Variants in ARHGAP31 observed in about 807,000 individuals in gnomAD.
The protein encoded by ARHGAP31 is rho GTPase-activating protein 31.
In ARHGAP31, 34 loss-of-function variants were observed where a neutral mutation model predicts 113.9. The observed-to-expected ratio is 0.30, with a 90% CI of 0.23 to 0.40. The LOEUF (loss-of-function observed/expected upper bound fraction) is 0.40, where lower values mean the gene tolerates loss of function less well. Ranked by LOEUF, ARHGAP31 falls within the 10% of genes least tolerant of loss-of-function variation. The probability of loss-of-function intolerance (pLI) is 1.00; values close to 1 mark genes in which losing one functional copy is unlikely to be tolerated. For synonymous variants in ARHGAP31, 650 were observed against 684.8 expected (o/e 0.95, Z 0.79); for missense variants, 1,548 against 1,767.1 (o/e 0.88, Z 2.22).
Position 119,414,703 on chromosome 3 carries a change from A to T in ARHGAP31, c.2774A>T (p.Asp925Val). 2 of 1,614,164 alleles carry T rather than the reference A, an allele frequency of 1.2e-6. No homozygotes were observed. Among genetic ancestry groups the T allele is most frequent in the Non-Finnish European group, 1.7e-6 (2 of 1,180,034 alleles). Residue 925 changes from aspartate to valine, a missense_variant, in exon 12 of 12, where the codon GAC becomes GTC. By Grantham distance (152) the Asp-to-Val change is radical. Transcript: ENST00000264245. ...CCCCTTCACTCTCCCACCCTGAAAGACGCGCACAAGGCCCAGGTACAGGGC... is the reference window on the plus strand; with the variant it reads ...CCCCTTCACTCTCCCACCCTGAAAGTCGCGCACAAGGCCCAGGTACAGGGC... The part of the protein sequence containing the change: ...TSPLHSPTLK[D>V]AHKAQVQGLQ...
chr3:119,298,417 C>T (rs116713738), intron 1 of ARHGAP31, among the ~76,000 whole-genome samples: 2,155 of 152,288 alleles, frequency 0.014, 18 homozygotes, highest in African/African-American at 0.03. Context: ...TGAAGCTCTG[C>T]GAGGTCATAA....
In ARHGAP31 at chr3:119,417,142, T is replaced by C. The variant is rs2080785748; in HGVS notation, c.*878T>C. 1 of 152,242 alleles carries C rather than the reference T, an allele frequency of 6.6e-6. No homozygotes were observed. Among genetic ancestry groups the C allele is most frequent in the Admixed American group, 6.5e-5 (1 of 15,288 alleles). The allele number at this position is 152,242 out of a possible 1,614,324, so 9.4% of individuals were successfully genotyped here. A position where few individuals can be genotyped will look rare whatever the true frequency, so the allele number is the denominator to read the frequency against. On this transcript the variant is annotated 3_prime_UTR_variant, in exon 12 of 12. Transcript: ENST00000264245. ...GTGAAGGCATCTGCTTTCTTTACAG[T>C]ATCAGAGTCCAAGAACAGGATGTCA...
At chr3:119,337,399 T>G (rs1166024844) in intron 1 of ARHGAP31, among the ~76,000 whole-genome samples, 1 of 152,122 alleles carries the variant, frequency 6.6e-6, no homozygotes, top group East Asian at 1.9e-4. Flanking sequence ...GCTGCAGACC[T>G]TTGTGGTGAG....
At chr3:119,393,445 C>T (rs1347368347) in intron 7 of ARHGAP31, 22 bp from the exon 8 acceptor site, 2 of 1,613,856 alleles carry the variant, frequency 1.2e-6, no homozygotes, top group Non-Finnish European at 1.7e-6. Context: ...CAAACTAACC[C>T]CTTATGCCTT....
chr3:119,303,996 A>G (rs2079608796), intron 1 of ARHGAP31, among the ~76,000 whole-genome samples: 1 of 151,938 alleles, frequency 6.6e-6, no homozygotes, highest in African/African-American at 2.4e-5. Context: ...CGGTTTCACT[A>G]TGTTAGCCAG....
chr3:119,352,035 C>T (rs553238782), intron 1 of ARHGAP31, among the ~76,000 whole-genome samples: 2 of 152,260 alleles, frequency 1.3e-5, no homozygotes, highest in East Asian at 1.9e-4. Flanking sequence ...AGTGATGTCT[C>T]CCCCTACAAA....
intron 1 of ARHGAP31, among the ~76,000 whole-genome samples, chr3:119,328,778 C>A (rs145732825): frequency 0.014 from 2,131 of 152,166 alleles, 60 homozygotes; most frequent in African/African-American, 0.048. Flanking sequence ...GTAGCTGGGA[C>A]TACAGGCACG....
intron 1 of ARHGAP31, chr3:119,298,957 C>A (rs1056238909): frequency 4.6e-6 from 1 of 216,346 alleles, no homozygotes. Context: ...CAAACACTCC[C>A]ACCCTGATTT....
At position 119,383,156 on chromosome 3, in the gene ARHGAP31, G is replaced by A. The variant is rs1184919844; in HGVS notation, c.612G>A (p.Val204=). 1.2e-6 allele frequency: 2 copies of A among 1,614,220 alleles called. No homozygotes were observed. The highest frequency in any genetic ancestry group is 1.7e-5 in the Admixed American group (1 of 60,026). The change falls in exon 6 of 12, where the codon GTG becomes GTA. Residue 204 remains valine (V), a synonymous_variant. Transcript: ENST00000264245. ...TTGCAGTCCGGGTCCAGCAGGTGGT[G>A]ATTGAGTTCATATTGAATCATGTAG... ...AFLAVRVQQV[V]IEFILNHVDQ...
chr3:119,335,082 GA>G (rs112924694), intron 1 of ARHGAP31, among the ~76,000 whole-genome samples: 9 of 148,812 alleles, frequency 6.0e-5, no homozygotes, highest in East Asian at 5.9e-4. Flanking sequence ...TTTCCCATGG[GA>G]AAAAAAAAAG....
intron 1 of ARHGAP31, among the ~76,000 whole-genome samples, chr3:119,360,269 C>A (rs1167094453): frequency 6.6e-6 from 1 of 152,204 alleles, no homozygotes; most frequent in East Asian, 1.9e-4. Flanking sequence ...GTACACACCA[C>A]TAGACTTTAC....
Position 119,306,517 on chromosome 3 carries a change from A to C in ARHGAP31, c.100+11513A>C, listed in dbSNP as rs541731724. ...AGTTGCAGTAAGCCGAGATCGCACCACTGCACTCTAGCCTGGGGGACGGTG... is the reference window on the plus strand; with the variant it reads ...AGTTGCAGTAAGCCGAGATCGCACCCCTGCACTCTAGCCTGGGGGACGGTG... On this transcript the variant is annotated intron_variant, in intron 1 of 11. Coordinates refer to ENST00000264245, the MANE Select transcript of ARHGAP31 (RefSeq NM_020754.4). 3.3e-5 allele frequency among the ~76,000 whole-genome samples: 5 copies of C among 152,324 alleles called. No homozygotes were observed. In the East Asian group the frequency reaches 5.8e-4, roughly 18 times the overall value.
chr3:119,375,338 C>T (rs1224116692), intron 3 of ARHGAP31, among the ~76,000 whole-genome samples: 1 of 152,170 alleles, frequency 6.6e-6, no homozygotes, highest in Non-Finnish European at 1.5e-5. Flanking sequence ...TGGCTGCTGA[C>T]GTTCCTTGGA....
chr3:119,346,929 G>C (rs1241039011), intron 1 of ARHGAP31, among the ~76,000 whole-genome samples: 6 of 152,230 alleles, frequency 3.9e-5, no homozygotes, highest in African/African-American at 1.4e-4. Flanking sequence ...ATGATCTGAC[G>C]GTCTCTTCCA....
At chr3:119,295,158 A>T (rs1311663609) in intron 1 of ARHGAP31, among the ~76,000 whole-genome samples, 154 bp downstream of exon 1, 2 of 150,876 alleles carry the variant, frequency 1.3e-5, no homozygotes, top group Non-Finnish European at 3.0e-5. Flanking sequence ...TTTTTAAAGA[A>T]CATAAACGAT....
intron 2 of ARHGAP31, among the ~76,000 whole-genome samples, chr3:119,368,127 A>G (rs1031472909): frequency 2.6e-5 from 4 of 152,192 alleles, no homozygotes; most frequent in Non-Finnish European, 5.9e-5. Flanking sequence ...TGCCACGGGT[A>G]ATCCATTTGT....
At chr3:119,363,206 TGA>T (rs145986321) in intron 1 of ARHGAP31, among the ~76,000 whole-genome samples, 39 of 151,864 alleles carry the variant, frequency 2.6e-4, no homozygotes, top group African/African-American at 9.4e-4. Flanking sequence ...ACAGGGATTT[TGA>T]GAGAGAGAGA....
At chr3:119,381,824 A>G (rs1294532921) in intron 4 of ARHGAP31, among the ~76,000 whole-genome samples, 7 of 152,106 alleles carry the variant, frequency 4.6e-5, no homozygotes, top group East Asian at 1.9e-4. Context: ...GTCTCTACCA[A>G]AAATACAAAA....
chr3:119,300,842 A>AAAAAG (rs1431506932), intron 1 of ARHGAP31, among the ~76,000 whole-genome samples: 58 of 139,032 alleles, frequency 4.2e-4, no homozygotes, highest in African/African-American at 9.1e-4. Flanking sequence ...AAAAAAAAAA[A>AAAAAG]AAAGAAAGAA....
Sources: gnomAD v4.1 joint callset for allele counts (sites outside exome capture counted in the v4.1 genomes callset) on GRCh38, gnomAD v4.1.1 for gene constraint, MANE v1.5 for transcripts, NCBI Gene and HGNC (gene_info 2026-07-23, HGNC 2026-07-21) for gene names.